Variants in CADPS observed in about 807,000 individuals in gnomAD.
The protein encoded by CADPS is calcium dependent secretion activator.
A neutral mutation model predicts 167.3 loss-of-function variants in CADPS; 57 were observed. The observed-to-expected ratio is 0.34, with a 90% CI of 0.28 to 0.42. The LOEUF (loss-of-function observed/expected upper bound fraction) is 0.42, where lower values mean the gene tolerates loss of function less well. CADPS is among the 20% of genes least tolerant of loss of function. The pLI is 1.00. For missense variants in CADPS, 1,414 were observed against 1,738.1 expected, an observed-to-expected ratio of 0.81 and a Z score of 3.32; for synonymous variants, 676 against 635.3, an observed-to-expected ratio of 1.06 and a Z score of -0.96.
intron 8 of CADPS, among the ~76,000 whole-genome samples, chr3:62,579,887 G>C (rs529038875): frequency 5.4e-4 from 83 of 152,300 alleles, no homozygotes; most frequent in African/African-American, 1.9e-3. Context: ...TGCTTACGAG[G>C]CAGGAGCAGC....
At chr3:62,587,645 C>T (rs566266845) in intron 7 of CADPS, among the ~76,000 whole-genome samples, 7 of 152,336 alleles carry the variant, frequency 4.6e-5, no homozygotes, top group African/African-American at 1.7e-4. Flanking sequence ...TCTGGGCACC[C>T]GCAGCTCATT....
At chr3:62,858,215 T>C (rs555412273) in intron 1 of CADPS, among the ~76,000 whole-genome samples, 3 of 152,290 alleles carry the variant, frequency 2.0e-5, no homozygotes, top group Non-Finnish European at 4.4e-5. Context: ...GGCCCATTAT[T>C]GTCATCAGGA....
chr3:62,592,787 G>A (rs893100097), intron 6 of CADPS, 39 bp from the exon 7 acceptor site: 2 of 1,434,708 alleles, frequency 1.4e-6, no homozygotes, highest in African/African-American at 2.8e-5. Context: ...AGACATATCT[G>A]CCTTGATGAG....
intron 3 of CADPS, among the ~76,000 whole-genome samples, chr3:62,734,145 C>A (rs1330317571): frequency 2.0e-5 from 3 of 152,074 alleles, no homozygotes; most frequent in African/African-American, 7.2e-5. Context: ...AAAGGGCGAG[C>A]TTTATGGGCA....
intron 3 of CADPS, among the ~76,000 whole-genome samples, chr3:62,746,759 T>A (rs899106316): frequency 2.0e-5 from 3 of 152,172 alleles, no homozygotes; most frequent in African/African-American, 7.2e-5. Flanking sequence ...GCCAACAACA[T>A]GAAGGAGCTT....
chr3:62,561,977 A>G (rs917665449), intron 9 of CADPS, among the ~76,000 whole-genome samples: 1 of 152,228 alleles, frequency 6.6e-6, no homozygotes, highest in African/African-American at 2.4e-5. Flanking sequence ...CGAGGACTAT[A>G]AACATGCAAA....
At chr3:62,706,104 G>A (rs2082265124) in intron 3 of CADPS, among the ~76,000 whole-genome samples, 2 of 152,018 alleles carry the variant, frequency 1.3e-5, no homozygotes, top group Non-Finnish European at 1.5e-5. Context: ...TCCAGAGTGT[G>A]GCAGCTGCTT....
chr3:62,460,187 G>A (rs1381953570), intron 26 of CADPS, among the ~76,000 whole-genome samples: 1 of 152,166 alleles, frequency 6.6e-6, no homozygotes, highest in Non-Finnish European at 1.5e-5. Flanking sequence ...CAGTTGCATA[G>A]ACTGATTGTG....
intron 14 of CADPS, 146 bp downstream of exon 14, chr3:62,518,003 T>C (rs1577108284): frequency 1.5e-6 from 1 of 657,180 alleles, no homozygotes; most frequent in Non-Finnish European, 2.7e-6. Context: ...CGGAACCATA[T>C]CTGATTGATT....
intron 13 of CADPS, among the ~76,000 whole-genome samples, chr3:62,531,066 T>C (rs1335216375): frequency 6.6e-6 from 1 of 152,210 alleles, no homozygotes; most frequent in Non-Finnish European, 1.5e-5. Context: ...GTGAATCAAG[T>C]GGCAGTCTTA....
intron 9 of CADPS, among the ~76,000 whole-genome samples, chr3:62,567,680 T>C (rs944505764): frequency 6.9e-5 from 10 of 144,576 alleles, no homozygotes; most frequent in South Asian, 4.7e-4. Flanking sequence ...GTTCAAGCAA[T>C]TCTCCTGCCT....
intron 3 of CADPS, among the ~76,000 whole-genome samples, chr3:62,666,889 C>T (rs960556982): frequency 2.0e-5 from 3 of 152,164 alleles, no homozygotes; most frequent in Non-Finnish European, 4.4e-5. Context: ...ACCCTTGCAA[C>T]CTTGTCAAGT....
chr3:62,560,450 T>C (rs1289221821), intron 9 of CADPS, among the ~76,000 whole-genome samples: 3 of 152,226 alleles, frequency 2.0e-5, no homozygotes, highest in Non-Finnish European at 4.4e-5. Context: ...GAGCCTGGAA[T>C]GCATGTTAGA....
rs540621313 is a variant in CADPS at position 62,728,859 on chromosome 3, A to G, written c.888+24582T>C. Among the ~76,000 whole-genome samples, 28 of 152,062 alleles carry G rather than the reference A, an allele frequency of 1.8e-4. No homozygotes were observed. In the East Asian group the frequency reaches 5.2e-3, roughly 28 times the overall value. ...AGCAAGTGTGTTTAAAACCTTAAGC[A>G]GCTTCTTGTGTCCACTAGGGTGGAT... is the stretch of plus-strand genomic sequence containing the variant. On this transcript the variant is annotated intron_variant, in intron 3 of 29. Coordinates refer to ENST00000383710, the MANE Select transcript of CADPS (RefSeq NM_003716.4).
intron 1 of CADPS, among the ~76,000 whole-genome samples, chr3:62,792,589 T>TAAA (rs2093046017): frequency 6.6e-6 from 1 of 152,040 alleles, no homozygotes; most frequent in African/African-American, 2.4e-5. Flanking sequence ...TTAATTTACT[T>TAAA]AAAAAACTTA....
intron 11 of CADPS, among the ~76,000 whole-genome samples, chr3:62,539,425 A>C (rs1187955109): frequency 6.6e-6 from 1 of 152,062 alleles, no homozygotes; most frequent in Non-Finnish European, 1.5e-5. Flanking sequence ...TCATTATTCT[A>C]ATGGTTCCCA....
chr3:62,538,172 A>G (rs1348360659), intron 11 of CADPS, among the ~76,000 whole-genome samples: 1 of 152,096 alleles, frequency 6.6e-6, no homozygotes, highest in Non-Finnish European at 1.5e-5. Context: ...AAGTGCTTTC[A>G]ACTTGAGGTT....
At chr3:62,525,723 G>T (rs911129945) in intron 13 of CADPS, among the ~76,000 whole-genome samples, 16 of 150,608 alleles carry the variant, frequency 1.1e-4, no homozygotes, top group African/African-American at 4.0e-4. Context: ...GTGTCTGTGT[G>T]TCTGTGTATG....
At chr3:62,595,755 T>C (rs1450105816) in intron 6 of CADPS, among the ~76,000 whole-genome samples, 2 of 152,182 alleles carry the variant, frequency 1.3e-5, no homozygotes, top group Non-Finnish European at 2.9e-5. Context: ...CCTGGGTGTG[T>C]TTGTGTGGGT....
Sources: gnomAD v4.1 joint callset for allele counts (sites outside exome capture counted in the v4.1 genomes callset) on GRCh38, gnomAD v4.1.1 for gene constraint, MANE v1.5 for transcripts, NCBI Gene and HGNC (gene_info 2026-07-23, HGNC 2026-07-21) for gene names.